MAGI2: variants seen among roughly 807,000 people sequenced by gnomAD.
MAGI2 encodes the protein membrane associated guanylate kinase, WW and PDZ domain containing 2, also known as membrane-associated guanylate kinase, WW and PDZ domain-containing protein 2.
A neutral mutation model predicts 133.3 loss-of-function variants in MAGI2; 35 were observed. The ratio of observed to expected loss-of-function variants is 0.26; its 90% CI spans 0.20 to 0.35. MAGI2 has a LOEUF of 0.35. Ranked by LOEUF, MAGI2 falls within the 10% of genes least tolerant of loss-of-function variation. The probability of loss-of-function intolerance (pLI) is 1.00; values close to 1 mark genes in which losing one functional copy is unlikely to be tolerated. For synonymous variants in MAGI2, 729 were observed against 710.6 expected, an observed-to-expected ratio of 1.03 and a Z score of -0.41; for missense variants, 1,636 against 1,863.4, an observed-to-expected ratio of 0.88 and a Z score of 2.25.
At chr7:78,842,512 T>C (rs570922575) in intron 2 of MAGI2, among the ~76,000 whole-genome samples, 1 of 152,118 alleles carries the variant, frequency 6.6e-6, no homozygotes, top group African/African-American at 2.4e-5. Flanking sequence ...AACTTTTACA[T>C]ATTAATATTT....
chr7:78,228,671 G>A (rs1789650875), intron 10 of MAGI2, among the ~76,000 whole-genome samples: 1 of 152,180 alleles, frequency 6.6e-6, no homozygotes, highest in Non-Finnish European at 1.5e-5. Context: ...GAGAATATCA[G>A]TAGATGTGGC....
At position 78,273,602 on chromosome 7, in the gene MAGI2, A is replaced by G. The variant is rs138747593; in HGVS notation, c.1409-17021T>C. On this transcript the variant is annotated intron_variant, in intron 9 of 21. Coordinates refer to ENST00000354212, the MANE Select transcript of MAGI2 (RefSeq NM_012301.4). ...ACACGTAGATTTGGTCTTTTCACAT[A>G]GTTCCATATTTCTTGGAGGCTTTGT... is the stretch of plus-strand genomic sequence containing the variant. Among the ~76,000 whole-genome samples, 874 of 152,230 alleles carry G rather than the reference A, an allele frequency of 5.7e-3. 5 individuals are homozygous for G. The highest frequency in any genetic ancestry group is 0.02 in the African/African-American group (824 of 41,530).
chr7:78,275,695 TTTGAAAATC>T (rs1220032498), intron 9 of MAGI2, among the ~76,000 whole-genome samples: 1 of 152,212 alleles, frequency 6.6e-6, no homozygotes, highest in Admixed American at 6.5e-5. Flanking sequence ...ATGCTGAAGC[TTTGAAAATC>T]TTAAGTCTTA....
intron 3 of MAGI2, among the ~76,000 whole-genome samples, chr7:78,533,632 C>T (rs975076189): frequency 6.6e-6 from 1 of 152,068 alleles, no homozygotes; most frequent in African/African-American, 2.4e-5. Context: ...GTGGCTAGTT[C>T]GAGTTGAGAT....
At chr7:78,738,216 C>T (rs530849600) in intron 2 of MAGI2, among the ~76,000 whole-genome samples, 1 of 152,040 alleles carries the variant, frequency 6.6e-6, no homozygotes, top group Non-Finnish European at 1.5e-5. Context: ...CATGTACCTG[C>T]AAGTTTTCTT....
chr7:79,028,857 G>A (rs1810287780), intron 1 of MAGI2, among the ~76,000 whole-genome samples: 1 of 151,590 alleles, frequency 6.6e-6, no homozygotes. Context: ...TAATGAAAGG[G>A]GTTTTTTTAT....
chr7:78,802,167 A>C (rs1788121254), intron 2 of MAGI2, among the ~76,000 whole-genome samples: 1 of 152,196 alleles, frequency 6.6e-6, no homozygotes, highest in Non-Finnish European at 1.5e-5. Context: ...TCACTTCTTC[A>C]AATAGATTTT....
intron 2 of MAGI2, among the ~76,000 whole-genome samples, chr7:78,877,691 T>A (rs1795535974): frequency 6.6e-6 from 1 of 152,004 alleles, no homozygotes; most frequent in Non-Finnish European, 1.5e-5. Context: ...ATGGCAATAA[T>A]AAAAAAATTA....
chr7:78,977,239 C>T (rs1804337749), intron 2 of MAGI2, among the ~76,000 whole-genome samples: 1 of 151,518 alleles, frequency 6.6e-6, no homozygotes, highest in Non-Finnish European at 1.5e-5. Context: ...CAAAAGAGAA[C>T]ACATCACATA....
At chr7:79,431,866 G>T (rs1847800786) in intron 1 of MAGI2, among the ~76,000 whole-genome samples, 1 of 152,212 alleles carries the variant, frequency 6.6e-6, no homozygotes, top group Non-Finnish European at 1.5e-5. Context: ...AAGTGGTTAA[G>T]GGTGTAGACT....
chr7:79,373,280 G>A (rs1442313534), intron 1 of MAGI2, among the ~76,000 whole-genome samples: 1 of 151,786 alleles, frequency 6.6e-6, no homozygotes, highest in Non-Finnish European at 1.5e-5. Context: ...ATTGAATAAA[G>A]ATTAATTAAA....
At chr7:78,637,603 C>T (rs1809814592) in intron 2 of MAGI2, among the ~76,000 whole-genome samples, 1 of 152,166 alleles carries the variant, frequency 6.6e-6, no homozygotes, top group Non-Finnish European at 1.5e-5. Flanking sequence ...GTTAAAATTA[C>T]AGCTTGTTTA....
rs552947489 is a variant in MAGI2 at position 78,072,846 on chromosome 7, A to G, written c.3706+6101T>C. 2.6e-4 allele frequency: 103 copies of G among 398,266 alleles called. 2 individuals carry two copies. In the East Asian group the frequency reaches 3.6e-3, roughly 14 times the overall value. 24.7% of individuals were successfully genotyped at this position (398,266 alleles called of 1,614,324 possible). ...CCACGCTTGGCTAATTTTTTTGTAG[A>G]GACAAGGTCTCCCTATGTTGCCTCT... On this transcript the variant is annotated intron_variant, in intron 21 of 21. Transcript: ENST00000354212.
intron 10 of MAGI2, among the ~76,000 whole-genome samples, chr7:78,235,943 TAGC>T (rs1472148176): frequency 6.6e-6 from 1 of 151,826 alleles, no homozygotes; most frequent in Non-Finnish European, 1.5e-5. Flanking sequence ...CCATGTGAAT[TAGC>T]AGCACATATT....
At chr7:78,720,695 G>A (rs1321629829) in intron 2 of MAGI2, among the ~76,000 whole-genome samples, 1 of 151,990 alleles carries the variant, frequency 6.6e-6, no homozygotes. Flanking sequence ...GTACCCTGGG[G>A]ACACTACATG....
chr7:79,030,786 T>TAC, intron 1 of MAGI2, among the ~76,000 whole-genome samples: 5 of 152,166 alleles, frequency 3.3e-5, no homozygotes, highest in Non-Finnish European at 5.9e-5. Context: ...GGGATTAGAG[T>TAC]TCCCAAAACT....
At chr7:78,679,212 A>G (rs1245042073) in intron 2 of MAGI2, among the ~76,000 whole-genome samples, 1 of 151,944 alleles carries the variant, frequency 6.6e-6, no homozygotes, top group Non-Finnish European at 1.5e-5. Context: ...CCCTTCTCTG[A>G]GAGAGTGAGG....
chr7:78,610,333 T>C (rs1806304844), intron 3 of MAGI2, among the ~76,000 whole-genome samples: 1 of 152,176 alleles, frequency 6.6e-6, no homozygotes, highest in Non-Finnish European at 1.5e-5. Flanking sequence ...TGAGTCCTAG[T>C]GACTGCTTGT....
At chr7:79,073,205 T>G (rs1233077543) in intron 1 of MAGI2, among the ~76,000 whole-genome samples, 1 of 152,182 alleles carries the variant, frequency 6.6e-6, no homozygotes, top group Admixed American at 6.5e-5. Context: ...AACTAGCTAT[T>G]GGAGTATACC....
Sources: allele counts gnomAD v4.1 joint callset (sites outside exome capture counted in the v4.1 genomes callset), GRCh38; gene constraint gnomAD v4.1.1; transcripts MANE v1.5; gene names NCBI Gene and HGNC (gene_info 2026-07-23, HGNC 2026-07-21).